Variants in BTBD9 observed in about 807,000 individuals in gnomAD.
BTBD9 encodes BTB/POZ domain-containing protein 9.
In BTBD9, 49 loss-of-function variants were observed where a neutral mutation model predicts 64.3. The observed-to-expected ratio is 0.76, with a 90% CI of 0.61 to 0.97. The LOEUF (loss-of-function observed/expected upper bound fraction) is 0.97. Among genes scored for constraint, BTBD9 ranks in the 50% least tolerant of loss-of-function variants. BTBD9 has a pLI of 0.00. For missense variants in BTBD9, 598 were observed against 762.1 expected, an observed-to-expected ratio of 0.78 and a Z score of 2.53; for synonymous variants, 260 against 274.7, an observed-to-expected ratio of 0.95 and a Z score of 0.53.
Position 38,174,939 on chromosome 6 carries a change from TGCCGTTGCCCGA to T in BTBD9, c.*34_*45del, listed in dbSNP as rs2090873623. The T allele has an allele frequency of 6.2e-7, 1 of 1,602,702 alleles. No homozygotes were observed. Among genetic ancestry groups the T allele is most frequent in the Non-Finnish European group, 8.5e-7 (1 of 1,174,532 alleles). ...CCTGCTCAGGGAGGAGACCGTTTCC[TGCCGTTGCCCGA>T]GCCCACCAAGTCACACCAGGCCCGC... is the stretch of plus-strand genomic sequence containing the variant. On this transcript the variant is annotated 3_prime_UTR_variant, in exon 11 of 11. Transcript: ENST00000481247.
At chr6:38,475,989 T>C (rs992471092) in intron 6 of BTBD9, among the ~76,000 whole-genome samples, 6 of 152,156 alleles carry the variant, frequency 3.9e-5, no homozygotes, top group African/African-American at 1.4e-4. Context: ...CCCTAACTCT[T>C]CAAAGAATGT....
intron 9 of BTBD9, among the ~76,000 whole-genome samples, chr6:38,198,891 C>T (rs997168623): frequency 4.6e-5 from 7 of 152,262 alleles, no homozygotes; most frequent in East Asian, 3.9e-4. Flanking sequence ...CTCTCTGCAT[C>T]GGCACCTCAG....
chr6:38,468,490 T>C (rs949039082), intron 6 of BTBD9, among the ~76,000 whole-genome samples: 7 of 152,224 alleles, frequency 4.6e-5, no homozygotes, highest in African/African-American at 1.7e-4. Flanking sequence ...AGGCCTAGTA[T>C]AAATATCGTA....
chr6:38,246,284 T>C (rs1464943162), intron 9 of BTBD9, among the ~76,000 whole-genome samples: 1 of 152,230 alleles, frequency 6.6e-6, no homozygotes, highest in Non-Finnish European at 1.5e-5. Context: ...TATTGCTATT[T>C]TCTATTCTAA....
Position 38,192,592 on chromosome 6 carries a change from C to G in BTBD9, c.1568G>C (p.Trp523Ser). ...CTGCCTTTCAAAAGTTACTGACTGCCAGGACCTGTGAGAGGAAACAACCAT... is the reference window on the plus strand; with the variant it reads ...CTGCCTTTCAAAAGTTACTGACTGCGAGGACCTGTGAGAGGAAACAACCAT... ...ADRTKVSCKS[W>S]QSVTFERQPA... Residue 523 changes from tryptophan to serine, a missense_variant, in exon 10 of 11, where the codon TGG becomes TCG. Trp to Ser is a radical substitution (Grantham distance 177). Transcript: ENST00000481247. 6.2e-7 allele frequency: 1 copy of G among 1,613,644 alleles called. No homozygotes were observed. Among genetic ancestry groups the G allele is most frequent in the South Asian group, 1.1e-5 (1 of 91,000 alleles).
At chr6:38,297,360 A>T (rs4711532) in intron 7 of BTBD9, among the ~76,000 whole-genome samples, 10,434 of 152,084 alleles carry the variant, frequency 0.069, 950 homozygotes, top group East Asian at 0.4. Context: ...AGTGAGACTG[A>T]CTTGAAGAAA....
chr6:38,573,010 T>C (rs774175237), intron 6 of BTBD9, among the ~76,000 whole-genome samples: 14 of 152,192 alleles, frequency 9.2e-5, no homozygotes, highest in African/African-American at 1.9e-4. Context: ...CATATATATA[T>C]ATGTATTGAT....
At chr6:38,436,300 A>G (rs1333964959) in intron 6 of BTBD9, among the ~76,000 whole-genome samples, 1 of 151,772 alleles carries the variant, frequency 6.6e-6, no homozygotes, top group Non-Finnish European at 1.5e-5. Context: ...TTTATTTTCC[A>G]ACACTGAGAA....
chr6:38,182,094 T>TA (rs1331046297), intron 10 of BTBD9, among the ~76,000 whole-genome samples: 1 of 152,210 alleles, frequency 6.6e-6, no homozygotes, highest in Non-Finnish European at 1.5e-5. Context: ...CTTAGGGTGA[T>TA]AGGATACCCA....
intron 6 of BTBD9, among the ~76,000 whole-genome samples, chr6:38,458,141 C>G (rs1769906494): frequency 6.6e-6 from 1 of 152,076 alleles, no homozygotes; most frequent in African/African-American, 2.4e-5. Flanking sequence ...TTTCCTATAA[C>G]ACGATTGGAA....
At chr6:38,277,926 T>C (rs924624145) in intron 8 of BTBD9, among the ~76,000 whole-genome samples, 2 of 152,190 alleles carry the variant, frequency 1.3e-5, no homozygotes, top group Non-Finnish European at 2.9e-5. Context: ...AGCTGTTGGC[T>C]AGATAAGCCA....
intron 6 of BTBD9, among the ~76,000 whole-genome samples, chr6:38,432,436 G>A (rs754470372): frequency 6.6e-6 from 1 of 151,892 alleles, no homozygotes; most frequent in East Asian, 1.9e-4. Context: ...TTGGGGCTGA[G>A]ACACCATTTG....
intron 8 of BTBD9, among the ~76,000 whole-genome samples, chr6:38,258,874 C>T (rs1311779208): frequency 2.0e-5 from 3 of 152,050 alleles, no homozygotes; most frequent in Admixed American, 2.0e-4. Flanking sequence ...CAGGCCACAG[C>T]GCGAGATTCT....
At chr6:38,481,036 G>C (rs1460972622) in intron 6 of BTBD9, among the ~76,000 whole-genome samples, 1 of 152,142 alleles carries the variant, frequency 6.6e-6, no homozygotes, top group Non-Finnish European at 1.5e-5. Flanking sequence ...CTTTCCATCA[G>C]TATCAGCTTC....
At chr6:38,488,295 G>A (rs895575649) in intron 6 of BTBD9, among the ~76,000 whole-genome samples, 3 of 151,970 alleles carry the variant, frequency 2.0e-5, no homozygotes, top group African/African-American at 7.3e-5. Flanking sequence ...AAGATTCCCA[G>A]AGTCAGATTT....
intron 6 of BTBD9, among the ~76,000 whole-genome samples, chr6:38,457,612 T>G (rs1441673494): frequency 1.3e-5 from 2 of 152,116 alleles, no homozygotes; most frequent in Admixed American, 6.5e-5. Context: ...GACTTCCATT[T>G]GGGAAGCTTG....
intron 1 of BTBD9, among the ~76,000 whole-genome samples, chr6:38,610,723 G>C (rs928384748): frequency 2.6e-5 from 4 of 152,112 alleles, no homozygotes; most frequent in African/African-American, 9.7e-5. Context: ...CTCTAAAACT[G>C]TAACAAAATC....
intron 6 of BTBD9, among the ~76,000 whole-genome samples, chr6:38,475,519 A>T (rs138209563): frequency 6.6e-6 from 1 of 152,330 alleles, no homozygotes; most frequent in East Asian, 1.9e-4. Context: ...TACGCAAAGC[A>T]CTAATCTGAC....
At chr6:38,252,353 G>C (rs1390244136) in intron 9 of BTBD9, among the ~76,000 whole-genome samples, 2 of 152,148 alleles carry the variant, frequency 1.3e-5, no homozygotes, top group Non-Finnish European at 2.9e-5. Flanking sequence ...CTGCACTGTA[G>C]CATATTAGTT....
Sources: allele counts gnomAD v4.1 joint callset (sites outside exome capture counted in the v4.1 genomes callset), GRCh38; gene constraint gnomAD v4.1.1; transcripts MANE v1.5; gene names NCBI Gene and HGNC (gene_info 2026-07-23, HGNC 2026-07-21).